TRNT1: variants seen among roughly 807,000 people sequenced by gnomAD.
The protein encoded by TRNT1 is tRNA nucleotidyl transferase 1, also known as CCA tRNA nucleotidyltransferase 1, mitochondrial.
A neutral mutation model predicts 45.6 loss-of-function variants in TRNT1; 44 were observed. The observed-to-expected ratio is 0.97, with a 90% confidence interval of 0.76 to 1.24. TRNT1 has a LOEUF of 1.24. TRNT1 is among the 50% of genes most tolerant of loss of function. The pLI, the probability that TRNT1 is intolerant of heterozygous loss-of-function variation, is 0.00. For synonymous variants in TRNT1, 201 were observed against 171.4 expected, an observed-to-expected ratio of 1.17 and a Z score of -1.35; for missense variants, 633 against 504.4, an observed-to-expected ratio of 1.25 and a Z score of -2.44.
At chr3:3,134,427 G>C (rs1705201917) in intron 2 of TRNT1, among the ~76,000 whole-genome samples, 1 of 152,084 alleles carries the variant, frequency 6.6e-6, no homozygotes. Context: ...TAATAACATA[G>C]GCTAATCAAA....
chr3:3,128,933 C>T (rs1230100682), intron 1 of TRNT1, 81 bp from the exon 2 acceptor site: 4 of 1,093,702 alleles, frequency 3.7e-6, no homozygotes, highest in Non-Finnish European at 5.2e-6. Flanking sequence ...AGTTGATAAA[C>T]TTGAAATGTG....
Position 3,137,289 on chromosome 3 carries a change from A to G in TRNT1, c.178A>G (p.Arg60Gly). 1 of 1,594,976 alleles carries G rather than the reference A, an allele frequency of 6.3e-7. No homozygotes were observed. Among genetic ancestry groups the G allele is most frequent in the Non-Finnish European group, 8.5e-7 (1 of 1,174,386 alleles). Residue 60 changes from arginine to glycine, a missense_variant, in exon 3 of 8, where the codon AGA becomes GGA. Arg to Gly is a moderately radical substitution (Grantham distance 125). Coordinates refer to ENST00000251607, the MANE Select transcript of TRNT1 (RefSeq NM_182916.3). Reference sequence around the variant, plus strand: ...ATTTGTCAAAGAGAATCACGAATTAAGAATAGCAGGAGGAGCAGTGAGGGA... The same window carrying G: ...ATTTGTCAAAGAGAATCACGAATTAGGAATAGCAGGAGGAGCAGTGAGGGA... ...ELFVKENHEL[R>G]IAGGAVRDLL... is the part of the protein sequence containing the mutation.
downstream of TRNT1, chr3:3,150,131 G>C (rs1199887722): frequency 6.6e-6 from 1 of 152,058 alleles, no homozygotes; most frequent in Non-Finnish European, 1.5e-5. Flanking sequence ...TTTCCCTATA[G>C]TAGTAGTTTT....
chr3:3,137,683 T>C (rs1705410901), intron 3 of TRNT1, among the ~76,000 whole-genome samples: 1 of 152,134 alleles, frequency 6.6e-6, no homozygotes, highest in South Asian at 2.1e-4. Context: ...TTTCAGTTTT[T>C]ACTATCCCAG....
intron 2 of TRNT1, chr3:3,136,654 T>C: frequency 4.8e-6 from 2 of 413,292 alleles, no homozygotes; most frequent in South Asian, 3.4e-5. Flanking sequence ...CTTTCTTTTT[T>C]TTTCTTTTTT....
chr3:3,146,443 AT>A lies in TRNT1; in HGVS notation c.624del (p.Ile208MetfsTer2), dbSNP rs1559229646. The stretch of plus-strand genomic sequence containing the variant: ...TTTGTCTTGTAGGTTTTATGGGAGA[AT>A]TGTAGACAAACCTGGTGACCATGAT... ...ILRYFRFYGR[I>X]VDKPGDHDPE... On this transcript the variant is annotated frameshift_variant, in exon 6 of 8. Coordinates refer to ENST00000251607, the MANE Select transcript of TRNT1 (RefSeq NM_182916.3). LOFTEE classifies it high-confidence loss of function. 6.2e-7 allele frequency: 1 copy of A among 1,611,288 alleles called. No individual in the cohort carries two copies. The highest frequency in any genetic ancestry group is 1.7e-5 in the Admixed American group (1 of 59,322).
rs143278715 is a variant in TRNT1, at chr3:3,137,452, G to A, written c.341G>A (p.Arg114Lys). 1 of 1,594,996 alleles carries A rather than the reference G, an allele frequency of 6.3e-7. No homozygotes were observed. The highest frequency in any genetic ancestry group is 2.2e-5 in the East Asian group (1 of 44,654). ...RGEKHGTITARLHEENFEITT... is the reference protein window; with the variant it reads ...RGEKHGTITAKLHEENFEITT... ...GAAAAGCACGGAACAATTACTGCCA[G>A]GGTGAGTCAAAAGTTTGACAGGTAA... The change falls in exon 3 of 8, where the codon AGG (arginine) becomes AAG (lysine). Residue 114 changes from arginine (R) to lysine (K), a missense_variant and splice_region_variant. Transcript: ENST00000251607.
Position 3,148,281 on chromosome 3 carries a change from G to T in TRNT1, c.*127G>T. On this transcript the variant is annotated 3_prime_UTR_variant, in exon 8 of 8. Transcript: ENST00000251607. ...TAGGGGACCTCTGTAGAACAACAAG[G>T]GTCTTATTTTGTGAATTATATATTT... is the stretch of plus-strand genomic sequence containing the variant. 3.1e-6 allele frequency: 3 copies of T among 973,912 alleles called. No individual in the cohort carries two copies. Among genetic ancestry groups the T allele is most frequent in the Non-Finnish European group, 4.5e-6 (3 of 665,638 alleles). The allele number at this position is 973,912 out of a possible 1,614,324, so 60.3% of individuals were successfully genotyped here.
At chr3:3,134,307 T>C (rs1051972503) in intron 2 of TRNT1, among the ~76,000 whole-genome samples, 5 of 152,216 alleles carry the variant, frequency 3.3e-5, no homozygotes, top group African/African-American at 9.6e-5. Context: ...GCTTTTCTTA[T>C]AATTTTTATG....
At chr3:3,149,261 A>G (rs1053359221), downstream of TRNT1, 1 of 152,140 alleles carries the variant, frequency 6.6e-6, no homozygotes, top group African/African-American at 2.4e-5. Context: ...TTATAAAATA[A>G]TACTTTGAAA....
At chr3:3,133,839 C>G (rs1298586808) in intron 2 of TRNT1, among the ~76,000 whole-genome samples, 2 of 152,048 alleles carry the variant, frequency 1.3e-5, no homozygotes, top group Non-Finnish European at 2.9e-5. Context: ...CCATGTCTTC[C>G]CACTCATAGC....
chr3:3,138,445 A>G (rs1705455283), intron 3 of TRNT1, among the ~76,000 whole-genome samples: 1 of 152,118 alleles, frequency 6.6e-6, no homozygotes, highest in African/African-American at 2.4e-5. Context: ...TTCATGTCTA[A>G]TGTTTTTAAT....
At chr3:3,129,319 AG>A (rs767557509) in intron 2 of TRNT1, 131 bp downstream of exon 2, 109 of 896,130 alleles carry the variant, frequency 1.2e-4, no homozygotes, top group Non-Finnish European at 1.7e-4. Context: ...ACGTAAGTAG[AG>A]GGTCTCTTTG....
At chr3:3,133,811 T>C (rs1705161637) in intron 2 of TRNT1, among the ~76,000 whole-genome samples, 1 of 152,102 alleles carries the variant, frequency 6.6e-6, no homozygotes, top group African/African-American at 2.4e-5. Flanking sequence ...GGTCTGTTTT[T>C]CTGTAGTAAT....
downstream of TRNT1, chr3:3,152,311 C>A: frequency 1.1e-6 from 1 of 871,956 alleles, no homozygotes; most frequent in South Asian, 1.7e-5. Flanking sequence ...TGCCCCCATA[C>A]CCGGCTAATT....
At chr3:3,129,422 C>A in intron 2 of TRNT1, 1 of 458,438 alleles carries the variant, frequency 2.2e-6, no homozygotes, top group Non-Finnish European at 4.0e-6. Flanking sequence ...GCCCAATGTG[C>A]ACGTTTTCAT....
chr3:3,136,033 G>A (rs574063112), intron 2 of TRNT1, among the ~76,000 whole-genome samples: 1 of 152,188 alleles, frequency 6.6e-6, no homozygotes, highest in Non-Finnish European at 1.5e-5. Flanking sequence ...TCTGTGATTG[G>A]GTGTCTTAAT....
chr3:3,137,266 T>C lies in TRNT1; in HGVS notation c.155T>C (p.Phe52Ser), dbSNP rs1705383984. ...TTATTTTCTCTCATCTCAGAATTATTTGTCAAAGAGAATCACGAATTAAGA... is the reference window on the plus strand; with the variant it reads ...TTATTTTCTCTCATCTCAGAATTATCTGTCAAAGAGAATCACGAATTAAGA... ...TEGLKSLTEL[F>S]VKENHELRIA... The change falls in exon 3 of 8, where the codon TTT becomes TCT. Residue 52 changes from phenylalanine to serine, a missense_variant. Physicochemically the swap from Phe to Ser is radical, Grantham distance 155 (BLOSUM62 -2). Transcript: ENST00000251607. 3 of 1,578,244 alleles carry C rather than the reference T, an allele frequency of 1.9e-6. No individual in the cohort carries two copies. Among genetic ancestry groups the C allele is most frequent in the Non-Finnish European group, 2.6e-6 (3 of 1,165,122 alleles).
downstream of TRNT1, chr3:3,150,811 C>T: frequency 6.5e-7 from 1 of 1,545,496 alleles, no homozygotes; most frequent in Non-Finnish European, 8.9e-7. Flanking sequence ...ATTTCCAAAG[C>T]AGATCTTAGA....
Sources: allele counts gnomAD v4.1 joint callset (sites outside exome capture counted in the v4.1 genomes callset), GRCh38; gene constraint gnomAD v4.1.1; transcripts MANE v1.5; gene names NCBI Gene and HGNC (gene_info 2026-07-23, HGNC 2026-07-21).